Variants in MAD1L1 observed in about 807,000 individuals in gnomAD.
MAD1L1 encodes mitotic arrest deficient 1 like 1.
Under a neutral mutation model 96.9 loss-of-function variants are expected in MAD1L1, and 95 were observed. The ratio of observed to expected loss-of-function variants is 0.98; its 90% CI spans 0.83 to 1.16. The LOEUF is 1.16. Among genes scored for constraint, MAD1L1 ranks in the 50% most tolerant of loss-of-function variants. The pLI is 0.00. For synonymous variants in MAD1L1, 473 were observed against 396.6 expected (o/e 1.19, Z -2.29); for missense variants, 1,007 against 954.4 (o/e 1.06, Z -0.73).
chr7:1,926,214 T>C (rs1789080247), intron 17 of MAD1L1, among the ~76,000 whole-genome samples: 1 of 152,128 alleles, frequency 6.6e-6, no homozygotes, highest in Admixed American at 6.5e-5. Flanking sequence ...TCTACCAACA[T>C]TCAGCTGAGA....
chr7:2,203,111 C>T (rs750625009), intron 10 of MAD1L1, among the ~76,000 whole-genome samples: 22 of 152,178 alleles, frequency 1.4e-4, no homozygotes, highest in Non-Finnish European at 2.2e-4. Flanking sequence ...AATGCCCACC[C>T]GCCGGGATGG....
chr7:1,944,448 G>T (rs1779138802), intron 16 of MAD1L1, among the ~76,000 whole-genome samples: 1 of 152,192 alleles, frequency 6.6e-6, no homozygotes, highest in African/African-American at 2.4e-5. Flanking sequence ...GCAGCTGCCA[G>T]AGCCTGCGGG....
intron 18 of MAD1L1, among the ~76,000 whole-genome samples, chr7:1,852,387 C>G (rs2128641510): frequency 6.6e-6 from 1 of 152,284 alleles, no homozygotes; most frequent in Admixed American, 6.5e-5. Flanking sequence ...CTCAGAGCCC[C>G]AGGAGCTACC....
chr7:1,928,212 G>A (rs927904045), intron 17 of MAD1L1, among the ~76,000 whole-genome samples: 1 of 148,646 alleles, frequency 6.7e-6, no homozygotes, highest in Non-Finnish European at 1.5e-5. Context: ...CCCTAAAGGA[G>A]CCCACGACGG....
chr7:1,894,425 A>G (rs1403931316), intron 18 of MAD1L1, among the ~76,000 whole-genome samples: 4 of 152,188 alleles, frequency 2.6e-5, no homozygotes, highest in Non-Finnish European at 5.9e-5. Flanking sequence ...GCACGGGTGC[A>G]CCGTGGGCTG....
At chr7:2,173,766 C>G (rs1790821653) in intron 10 of MAD1L1, among the ~76,000 whole-genome samples, 1 of 152,182 alleles carries the variant, frequency 6.6e-6, no homozygotes, top group South Asian at 2.1e-4. Context: ...TAGTACAATG[C>G]ACCCTCCAGT....
At chr7:2,107,682 C>T (rs1350101064) in intron 11 of MAD1L1, 1 of 152,330 alleles carries the variant, frequency 6.6e-6, no homozygotes, top group Non-Finnish European at 1.5e-5. Context: ...CTGCCTGGCC[C>T]CCAGTGACGT....
At chr7:1,818,583 A>AT (rs1781952647) in intron 18 of MAD1L1, among the ~76,000 whole-genome samples, 1 of 151,074 alleles carries the variant, frequency 6.6e-6, no homozygotes, top group East Asian at 1.9e-4. Flanking sequence ...GACTTTAGCT[A>AT]TTTTGCCCAG....
intron 11 of MAD1L1, among the ~76,000 whole-genome samples, chr7:2,106,002 C>CGCCCCT (rs1476826085): frequency 1.3e-5 from 2 of 148,408 alleles, no homozygotes; most frequent in African/African-American, 2.5e-5. Flanking sequence ...CATATGGCCC[C>CGCCCCT]GCCCCTGCCC....
At chr7:2,030,879 CCAT>C (rs1783197077) in intron 12 of MAD1L1, among the ~76,000 whole-genome samples, 1 of 152,206 alleles carries the variant, frequency 6.6e-6, no homozygotes, top group African/African-American at 2.4e-5. Context: ...CTTGATGATA[CCAT>C]GTCTCTCCCT....
intron 16 of MAD1L1, among the ~76,000 whole-genome samples, chr7:1,957,244 C>T (rs1004634248): frequency 6.6e-6 from 1 of 152,250 alleles, no homozygotes; most frequent in Non-Finnish European, 1.5e-5. Flanking sequence ...ACCCGGTAAC[C>T]TCGAACCTGA....
intron 11 of MAD1L1, among the ~76,000 whole-genome samples, chr7:2,147,948 C>A (rs1218031280): frequency 6.6e-6 from 1 of 152,224 alleles, no homozygotes; most frequent in Admixed American, 6.5e-5. Flanking sequence ...CTTTCCTTTC[C>A]TTTAATAGTT....
intron 17 of MAD1L1, among the ~76,000 whole-genome samples, chr7:1,915,365 G>C (rs1480780728): frequency 6.6e-6 from 1 of 152,216 alleles, no homozygotes; most frequent in Non-Finnish European, 1.5e-5. Context: ...GGCAGCACCT[G>C]GCTGGGAAGG....
At chr7:2,079,891 G>T (rs1785553161) in intron 11 of MAD1L1, 1 of 379,518 alleles carries the variant, frequency 2.6e-6, no homozygotes, top group Admixed American at 3.7e-5. Flanking sequence ...CTCTGACTTG[G>T]AGAAAAAAGA....
At chr7:1,917,750 C>T (rs779837280) in intron 17 of MAD1L1, among the ~76,000 whole-genome samples, 11 of 152,292 alleles carry the variant, frequency 7.2e-5, no homozygotes, top group South Asian at 2.1e-4. Flanking sequence ...GCTGCCCGGG[C>T]GTGTGGCCGT....
Position 2,190,280 on chromosome 7 carries a change from G to A in MAD1L1, c.986+22932C>T, listed in dbSNP as rs994620626. 4.6e-5 allele frequency among the ~76,000 whole-genome samples: 7 copies of A among 152,162 alleles called. No homozygotes were observed. The South Asian group carries it at 1.5e-3, about 32-fold the overall frequency. On this transcript the variant is annotated intron_variant, in intron 10 of 18. Transcript: ENST00000265854. ...TGGCTGACAGGCTTTCATCAGAGGT[G>A]CCAAGGAAATTCAAATGGGAAACAG...
chr7:2,000,723 C>T (rs977422956), intron 14 of MAD1L1, among the ~76,000 whole-genome samples: 2 of 152,206 alleles, frequency 1.3e-5, no homozygotes, highest in Non-Finnish European at 2.9e-5. Flanking sequence ...TGCTGGCTGC[C>T]GCGTCCCCAG....
chr7:1,858,320 A>C (rs1456144270), intron 18 of MAD1L1, among the ~76,000 whole-genome samples: 1 of 151,998 alleles, frequency 6.6e-6, no homozygotes, highest in Non-Finnish European at 1.5e-5. Flanking sequence ...CCGGACCCCA[A>C]CTCCGTTCCT....
intron 11 of MAD1L1, among the ~76,000 whole-genome samples, chr7:2,071,674 A>G (rs2128531159): frequency 6.6e-6 from 1 of 152,124 alleles, no homozygotes; most frequent in South Asian, 2.1e-4. Context: ...ACCAATGAGC[A>G]GGGGCGGAGT....
Sources: allele counts gnomAD v4.1 joint callset (sites outside exome capture counted in the v4.1 genomes callset), GRCh38; gene constraint gnomAD v4.1.1; transcripts MANE v1.5; gene names NCBI Gene and HGNC (gene_info 2026-07-23, HGNC 2026-07-21).